The following SMIM9 variants were observed in gnomAD, a reference collection of about 807,000 sequenced individuals.
The protein encoded by SMIM9 is chromosome X open reading frame 68.
Under a neutral mutation model 7.2 loss-of-function variants are expected in SMIM9, and 8 were observed. The observed-to-expected ratio is 1.10, with a 90% confidence interval of 0.65 to 1.99. SMIM9 has a LOEUF of 1.99. Ranked by LOEUF, SMIM9 falls within the 30% of genes most tolerant of loss-of-function variation. The pLI is 0.00. For synonymous variants in SMIM9, 19 were observed against 26.4 expected (o/e 0.72, Z 0.86); for missense variants, 76 against 69.3 (o/e 1.10, Z -0.34).
chrX:154,830,158 G>A (rs1428264118), intron 3 of SMIM9, among the ~76,000 whole-genome samples: 1 of 111,433 alleles, frequency 9.0e-6, no homozygotes, highest in African/African-American at 3.3e-5. Context: ...TAAGGCTGGG[G>A]ATGTTGGGTC....
rs144356084 is a variant in SMIM9 at position 154,831,330 on chromosome X, A to G, written c.-99-375T>C. The stretch of plus-strand genomic sequence containing the variant: ...TTCTATGAATTTGACTACTTTAGAT[A>G]CCAAATATAATAAATTTCTATATAT... On this transcript the variant is annotated intron_variant, in intron 2 of 4. Transcript: ENST00000369529. Among the ~76,000 whole-genome samples the G allele has an allele frequency of 3.2e-3, 354 of 112,264 alleles. 10 individuals are homozygous for G. The East Asian group carries it at 0.072, about 23-fold the overall frequency.
chrX:154,831,627 G>T (rs1429681040), intron 2 of SMIM9, among the ~76,000 whole-genome samples: 2 of 111,136 alleles, frequency 1.8e-5, no homozygotes, highest in African/African-American at 6.6e-5. Context: ...TGGCCAAAGA[G>T]ATCTTGGTAG....
In SMIM9 at chrX:154,823,462, G is replaced by A; in HGVS notation, c.*293C>T. On this transcript the variant is annotated 3_prime_UTR_variant, in exon 5 of 5. Transcript: ENST00000369529. The stretch of plus-strand genomic sequence containing the variant: ...AAGGGAGGTACATCAAGATGTTAAT[G>A]ATGTTTATTTCTGGTTGCTAGAATT... 4.1e-6 allele frequency: 1 copy of A among 246,032 alleles called. No homozygotes were observed. Among genetic ancestry groups the A allele is most frequent in the Non-Finnish European group, 7.2e-6 (1 of 138,669 alleles). 20.3% of individuals were successfully genotyped at this position (246,032 alleles called of 1,213,427 possible). A position where few individuals can be genotyped will look rare whatever the true frequency, so the allele number is the denominator to read the frequency against.
chrX:154,830,500 G>C, intron 3 of SMIM9: 1 of 352,424 alleles, frequency 2.8e-6, no homozygotes, highest in Non-Finnish European at 4.8e-6. Context: ...CTTCATAACA[G>C]AGGCTGTTCA....
chrX:154,826,076 T>TA (rs368082108), intron 4 of SMIM9, among the ~76,000 whole-genome samples: 90 of 104,617 alleles, frequency 8.6e-4, no homozygotes, highest in African/African-American at 2.4e-3. Flanking sequence ...ATAGTAACAA[T>TA]AAAAAAAAAA....
At chrX:154,823,914 C>A (rs1438991941) in intron 4 of SMIM9, 132 bp from the exon 5 acceptor site, 3 of 566,110 alleles carry the variant, frequency 5.3e-6, no homozygotes, top group African/African-American at 4.7e-5. Context: ...AAACAAAATA[C>A]TTTGATGAAA....
At position 154,830,866 on chromosome X, in the gene SMIM9, C is replaced by T; in HGVS notation, c.-10G>A. The stretch of plus-strand genomic sequence containing the variant: ...GCTTCTGGGGTTCCATGGACTCCCG[C>T]CTTCAGCTGCGGCTGAAGAGCTGGT... On this transcript the variant is annotated 5_prime_UTR_variant, in exon 3 of 5. Coordinates refer to ENST00000369529, the MANE Select transcript of SMIM9 (RefSeq NM_001162936.4). 1 of 1,163,296 alleles carries T rather than the reference C, an allele frequency of 8.6e-7. No individual in the cohort carries two copies. The highest frequency in any genetic ancestry group is 1.1e-6 in the Non-Finnish European group (1 of 870,596).
chrX:154,827,336 A>G (rs1482826159), intron 4 of SMIM9: 2 of 112,298 alleles, frequency 1.8e-5, no homozygotes, highest in Non-Finnish European at 3.8e-5. Flanking sequence ...CTGCTATAAC[A>G]AACAATCCTG....
chrX:154,831,227 T>G (rs1221654147), intron 2 of SMIM9, among the ~76,000 whole-genome samples: 3 of 111,920 alleles, frequency 2.7e-5, no homozygotes, highest in Non-Finnish European at 3.8e-5. Flanking sequence ...AAAAGGTACA[T>G]TCACATTGTT....
chrX:154,828,933 C>A (rs1023422394), intron 4 of SMIM9, among the ~76,000 whole-genome samples: 11 of 111,596 alleles, frequency 9.9e-5, no homozygotes, highest in Admixed American at 5.8e-4. Context: ...TCTTTAACAC[C>A]TTTGTTGATC....
rs1557270422 is a variant in SMIM9, at chrX:154,829,631, T to A, written c.176A>T (p.Asp59Val). Residue 59 changes from aspartate to valine, a missense_variant, in exon 4 of 5, where the codon GAT becomes GTT. Coordinates refer to ENST00000369529, the MANE Select transcript of SMIM9 (RefSeq NM_001162936.4). ...ACTCTTGATAAGTTGCCATAAGTAA[T>A]CCCTGAAGTTGTTCAGCCAGGACCT... The part of the protein sequence containing the change: ...NHRSWLNNFR[D>V]YLWQLIKSAL... 1.7e-6 allele frequency: 2 copies of A among 1,165,660 alleles called. No individual in the cohort carries two copies. The highest frequency in any genetic ancestry group is 3.6e-5 in the African/African-American group (2 of 55,587).
At chrX:154,824,063 A>G (rs1441822342) in intron 4 of SMIM9, among the ~76,000 whole-genome samples, 1 of 111,677 alleles carries the variant, frequency 9.0e-6, no homozygotes, top group Non-Finnish European at 1.9e-5. Flanking sequence ...CATTGTAGAA[A>G]GATCAGAAAG....
In SMIM9 at chrX:154,830,714, C is replaced by A. The variant is rs2148552862; in HGVS notation, c.142+1G>T. 5 of 1,164,962 alleles carry A rather than the reference C, an allele frequency of 4.3e-6. No individual in the cohort carries two copies. The highest frequency in any genetic ancestry group is 5.7e-6 in the Non-Finnish European group (5 of 872,093). On this transcript the variant is annotated splice_donor_variant, in intron 3 of 4. Coordinates refer to ENST00000369529, the MANE Select transcript of SMIM9 (RefSeq NM_001162936.4). LOFTEE classifies it high-confidence loss of function. Reference sequence around the variant, plus strand: ...AACATTCATCCTAACAGCAAACACACCCCCTGAGCGTGGTTTCGATCCTGT... The same window carrying A: ...AACATTCATCCTAACAGCAAACACAACCCCTGAGCGTGGTTTCGATCCTGT...
At chrX:154,832,431 G>T (rs1481653036) in intron 2 of SMIM9, 143 bp downstream of exon 2, 1 of 112,003 alleles carries the variant, frequency 8.9e-6, no homozygotes, top group Non-Finnish European at 1.9e-5. Context: ...CTTACTTCTG[G>T]ACTGCATGGT....
At chrX:154,833,122 A>G (rs1477394383) in intron 1 of SMIM9, among the ~76,000 whole-genome samples, 2 of 112,090 alleles carry the variant, frequency 1.8e-5, no homozygotes, top group East Asian at 5.6e-4. Flanking sequence ...TTGGTGCAGA[A>G]AAAGCTACTC....
chrX:154,829,485 C>G (rs904965647), intron 4 of SMIM9, 50 bp downstream of exon 4: 43 of 1,151,663 alleles, frequency 3.7e-5, no homozygotes, highest in African/African-American at 9.0e-5. Flanking sequence ...TTCCCACCCC[C>G]CTTCACATTC....
intron 4 of SMIM9, 61 bp downstream of exon 4, chrX:154,829,474 G>A: frequency 8.8e-7 from 1 of 1,137,139 alleles, no homozygotes. Flanking sequence ...ACCTGTTTCT[G>A]TTCCCACCCC....
At chrX:154,827,896 A>G (rs1403932982) in intron 4 of SMIM9, among the ~76,000 whole-genome samples, 1 of 111,879 alleles carries the variant, frequency 8.9e-6, no homozygotes, top group Non-Finnish European at 1.9e-5. Context: ...AGTCTGCCTC[A>G]GCTGCAGAGA....
At chrX:154,831,136 C>T (rs920103069) in intron 2 of SMIM9, among the ~76,000 whole-genome samples, 181 bp from the exon 3 acceptor site, 2 of 111,323 alleles carry the variant, frequency 1.8e-5, no homozygotes, top group Admixed American at 9.6e-5. Flanking sequence ...GGTCAGATAC[C>T]GGACATTCCT....
Sources: gnomAD v4.1 joint callset for allele counts (sites outside exome capture counted in the v4.1 genomes callset) on GRCh38, gnomAD v4.1.1 for gene constraint, MANE v1.5 for transcripts, NCBI Gene and HGNC (gene_info 2026-07-23, HGNC 2026-07-21) for gene names.